EREG: variants seen among roughly 807,000 people sequenced by gnomAD.
EREG encodes proepiregulin.
A neutral mutation model predicts 22.4 loss-of-function variants in EREG; 23 were observed. The ratio of observed to expected loss-of-function variants is 1.03; its 90% CI spans 0.74 to 1.46. The LOEUF (loss-of-function observed/expected upper bound fraction) is 1.46, where lower values mean the gene tolerates loss of function less well. Ranked by LOEUF, EREG falls within the 40% of genes most tolerant of loss-of-function variation. The probability of loss-of-function intolerance (pLI) is 0.00; values close to 1 mark genes in which losing one functional copy is unlikely to be tolerated. For missense variants in EREG, 226 were observed against 205.9 expected, an observed-to-expected ratio of 1.10 and a Z score of -0.60; for synonymous variants, 100 against 75.4, an observed-to-expected ratio of 1.33 and a Z score of -1.69.
intron 1 of EREG, among the ~76,000 whole-genome samples, chr4:74,369,587 C>G (rs1167785707): frequency 6.6e-6 from 1 of 151,878 alleles, no homozygotes; most frequent in Non-Finnish European, 1.5e-5. Context: ...ATGTAATATT[C>G]AGAAAGAAAA....
rs752496685 is a variant in EREG at position 74,384,830 on chromosome 4, G to A, written c.*22G>A. 3.1e-5 allele frequency: 46 copies of A among 1,494,500 alleles called. No homozygotes were observed. The highest frequency in any genetic ancestry group is 9.0e-5 in the East Asian group (4 of 44,332). The allele number at this position is 1,494,500 out of a possible 1,614,324, so 92.6% of individuals were successfully genotyped here. ...CTGAATGGCGCCATCAAACTTATGG[G>A]CAGGGATAACAGTGTGCCTGGTTAA... On this transcript the variant is annotated 3_prime_UTR_variant, in exon 5 of 5. Coordinates refer to ENST00000244869, the MANE Select transcript of EREG (RefSeq NM_001432.3).
rs1752582367 is a variant in EREG, at chr4:74,387,168, G to A, written c.*2360G>A. The stretch of plus-strand genomic sequence containing the variant: ...TGAATAGGTTATATGCAAGCACTAT[G>A]CCCTTTTATATAAGTGACTTGAACA... On this transcript the variant is annotated 3_prime_UTR_variant, in exon 5 of 5. Coordinates refer to ENST00000244869, the MANE Select transcript of EREG (RefSeq NM_001432.3). 6.6e-6 allele frequency: 1 copy of A among 152,118 alleles called. No homozygotes were observed. Among genetic ancestry groups the A allele is most frequent in the African/African-American group, 2.4e-5 (1 of 41,406 alleles). 9.4% of individuals were successfully genotyped at this position (152,118 alleles called of 1,614,324 possible). A position where few individuals can be genotyped will look rare whatever the true frequency, so the allele number is the denominator to read the frequency against.
chr4:74,366,402 T>C (rs1180214942), intron 1 of EREG, among the ~76,000 whole-genome samples: 4 of 152,126 alleles, frequency 2.6e-5, no homozygotes, highest in Non-Finnish European at 5.9e-5. Flanking sequence ...AGAGACCTAA[T>C]GAAATGCATA....
intron 1 of EREG, among the ~76,000 whole-genome samples, chr4:74,376,329 T>C (rs914492730): frequency 4.6e-5 from 7 of 152,200 alleles, no homozygotes; most frequent in African/African-American, 1.7e-4. Context: ...GAATTGGTAA[T>C]GTCTCCTCCA....
Position 74,386,073 on chromosome 4 carries a change from T to TTTC in EREG, c.*1270_*1272dup. The TTTC allele has an allele frequency of 2.9e-6, 1 of 340,038 alleles. No homozygotes were observed. Among genetic ancestry groups the TTTC allele is most frequent in the Non-Finnish European group, 5.3e-6 (1 of 188,842 alleles). The allele number at this position is 340,038 out of a possible 1,614,324, so 21.1% of individuals were successfully genotyped here. On this transcript the variant is annotated 3_prime_UTR_variant, in exon 5 of 5. Transcript: ENST00000244869. ...GTTTATTTTTTGGAAGAGACAAAGA[T>TTTC]TTCTTCTGCACTCTGAGCCCATAGG...
At chr4:74,379,647 G>T in intron 2 of EREG, 113 bp downstream of exon 2, 1 of 600,202 alleles carries the variant, frequency 1.7e-6, no homozygotes, top group Non-Finnish European at 3.0e-6. Flanking sequence ...AAGAATAGCT[G>T]CTATATTACT....
intron 1 of EREG, 48 bp downstream of exon 1, chr4:74,365,423 T>C (rs536298269): frequency 2.6e-6 from 4 of 1,542,828 alleles, no homozygotes; most frequent in Non-Finnish European, 3.6e-6. Context: ...AGGAGACAAA[T>C]AAGGAAGGCT....
Position 74,387,989 on chromosome 4 carries a change from C to T in EREG, c.*3181C>T, listed in dbSNP as rs1458418729. ...ACTGTTCTCCTGAATATTTTTTGCT[C>T]TAATCTCTCTGCCGAAAGTCAAAGT... On this transcript the variant is annotated 3_prime_UTR_variant, in exon 5 of 5. Transcript: ENST00000244869. 1 of 152,158 alleles carries T rather than the reference C, an allele frequency of 6.6e-6. No individual in the cohort carries two copies. The highest frequency in any genetic ancestry group is 2.4e-5 in the African/African-American group (1 of 41,442). 9.4% of individuals were successfully genotyped at this position (152,158 alleles called of 1,614,324 possible).
intron 1 of EREG, among the ~76,000 whole-genome samples, chr4:74,373,307 A>G (rs916819724): frequency 3.3e-5 from 5 of 152,066 alleles, no homozygotes; most frequent in African/African-American, 1.2e-4. Context: ...AGAAATGACT[A>G]CCTAAATTGG....
chr4:74,384,775 T>C lies in EREG; in HGVS notation c.477T>C (p.Val159=). Residue 159 remains valine (V), a synonymous_variant, in exon 5 of 5, where the codon GTT becomes GTC. Transcript: ENST00000244869. The part of the protein sequence containing the change: ...SKEPKKEYER[V]TSGDPELPQV The stretch of plus-strand genomic sequence containing the variant: ...AACCAAAGAAGGAATATGAGAGAGT[T>C]ACCTCAGGGGATCCAGAGTTGCCGC... 1 of 1,613,122 alleles carries C rather than the reference T, an allele frequency of 6.2e-7. No individual in the cohort carries two copies. The highest frequency in any genetic ancestry group is 1.1e-5 in the South Asian group (1 of 91,024).
At chr4:74,366,025 CT>C (rs1752174582) in intron 1 of EREG, among the ~76,000 whole-genome samples, 1 of 152,118 alleles carries the variant, frequency 6.6e-6, no homozygotes, top group African/African-American at 2.4e-5. Flanking sequence ...TCCCTGCAGC[CT>C]CCCAAGCAGC....
Position 74,385,417 on chromosome 4 carries a change from G to A in EREG, c.*609G>A, listed in dbSNP as rs980718242. 6.5e-6 allele frequency: 1 copy of A among 153,378 alleles called. No homozygotes were observed. Among genetic ancestry groups the A allele is most frequent in the Admixed American group, 6.5e-5 (1 of 15,294 alleles). 9.5% of individuals were successfully genotyped at this position (153,378 alleles called of 1,614,324 possible). On this transcript the variant is annotated 3_prime_UTR_variant, in exon 5 of 5. Coordinates refer to ENST00000244869, the MANE Select transcript of EREG (RefSeq NM_001432.3). ...TCAGCTATAATTCTGTTATATGAGGGGCAGTGGACAGTTCCCTATGCCAAC... is the reference window on the plus strand; with the variant it reads ...TCAGCTATAATTCTGTTATATGAGGAGCAGTGGACAGTTCCCTATGCCAAC...
chr4:74,383,118 G>C (rs987125685), intron 4 of EREG, among the ~76,000 whole-genome samples: 1 of 152,116 alleles, frequency 6.6e-6, no homozygotes, highest in Non-Finnish European at 1.5e-5. Flanking sequence ...TATCAGCTCT[G>C]ATACTTATTA....
intron 1 of EREG, among the ~76,000 whole-genome samples, chr4:74,372,443 A>G (rs899248755): frequency 1.3e-5 from 2 of 152,256 alleles, no homozygotes; most frequent in African/African-American, 2.4e-5. Context: ...GCTTCTCAAG[A>G]TGCCATTAAA....
chr4:74,382,662 C>G lies in EREG; in HGVS notation c.296C>G (p.Thr99Ser), dbSNP rs1428466382. 6.2e-7 allele frequency: 1 copy of G among 1,608,500 alleles called. No homozygotes were observed. Among genetic ancestry groups the G allele is most frequent in the African/African-American group, 1.3e-5 (1 of 74,552 alleles). Residue 99 changes from threonine (T) to serine (S), a missense_variant, in exon 4 of 5, where the codon ACT (threonine) becomes AGT (serine). Transcript: ENST00000244869. The part of the protein sequence containing the change: ...QNYCRCEVGY[T>S]GVRCEHFFLT... ...TCCTTCAGGTGTGAAGTGGGTTATA[C>G]TGGTGTCCGATGTGAACACTTCTTT... is the stretch of plus-strand genomic sequence containing the variant.
chr4:74,372,046 C>T (rs1752300264), intron 1 of EREG, among the ~76,000 whole-genome samples: 1 of 152,124 alleles, frequency 6.6e-6, no homozygotes, highest in African/African-American at 2.4e-5. Context: ...ATTGAGTAAA[C>T]ATTATTTGAC....
intron 4 of EREG, among the ~76,000 whole-genome samples, chr4:74,383,166 A>C (rs908788856): frequency 6.6e-6 from 1 of 152,202 alleles, no homozygotes; most frequent in African/African-American, 2.4e-5. Flanking sequence ...GAGAGTATCA[A>C]TTCCCTTCTT....
At chr4:74,377,710 G>A (rs757714829) in intron 1 of EREG, among the ~76,000 whole-genome samples, 2 of 152,332 alleles carry the variant, frequency 1.3e-5, no homozygotes, top group African/African-American at 2.4e-5. Context: ...GGCCGAAGGC[G>A]AAGGGGAAGC....
Position 74,388,728 on chromosome 4 carries a change from AT to A in EREG, c.*3922del, listed in dbSNP as rs1752617556. Reference sequence around the variant, plus strand: ...AAAAAATTGAAATAAATAAAAATGCATTGAACATCTTGCATTCAAAATCTTC... The same window carrying A: ...AAAAAATTGAAATAAATAAAAATGCATGAACATCTTGCATTCAAAATCTTC... On this transcript the variant is annotated 3_prime_UTR_variant, in exon 5 of 5. Transcript: ENST00000244869. 6.6e-6 allele frequency: 1 copy of A among 152,520 alleles called. No homozygotes were observed. Among genetic ancestry groups the A allele is most frequent in the South Asian group, 2.1e-4 (1 of 4,832 alleles). The allele number at this position is 152,520 out of a possible 1,614,324, so 9.4% of individuals were successfully genotyped here.
Sources: allele counts gnomAD v4.1 joint callset (sites outside exome capture counted in the v4.1 genomes callset), GRCh38; gene constraint gnomAD v4.1.1; transcripts MANE v1.5; gene names NCBI Gene and HGNC (gene_info 2026-07-23, HGNC 2026-07-21).